The following CUX2 variants were observed in gnomAD, a reference collection of about 807,000 sequenced individuals.
CUX2 encodes the protein homeobox protein cut-like 2.
In CUX2, 40 loss-of-function variants were observed where a neutral mutation model predicts 144.8. The ratio of observed to expected loss-of-function variants is 0.28; its 90% CI spans 0.21 to 0.36. The LOEUF (loss-of-function observed/expected upper bound fraction) is 0.36. Ranked by LOEUF, CUX2 falls within the 10% of genes least tolerant of loss-of-function variation. The pLI is 1.00. For missense variants in CUX2, 1,615 were observed against 1,994.0 expected (o/e 0.81, Z 3.62); for synonymous variants, 827 against 875.6 (o/e 0.94, Z 0.98).
chr12:111,134,620 C>CTCTCTGTGTGTGTGTGTGTGTG (rs1026548098), intron 1 of CUX2, among the ~76,000 whole-genome samples: 84 of 142,198 alleles, frequency 5.9e-4, no homozygotes, highest in African/African-American at 2.2e-3. Context: ...CTCTCTCTCT[C>CTCTCTGTGTGTGTGTGTGTGTG]TGTGTGTGTG....
chr12:111,040,130 T>TA (rs1002583648), intron 1 of CUX2, among the ~76,000 whole-genome samples: 2 of 151,266 alleles, frequency 1.3e-5, no homozygotes, highest in Non-Finnish European at 2.9e-5. Context: ...CTACAAAAAA[T>TA]AAAAAAATTA....
rs776024963 is a variant in CUX2 at position 111,320,821 on chromosome 12, G to T, written c.2766+46G>T. Reference sequence around the variant, plus strand: ...CGGTGTCTGGGCTCTGGGAGAAGATGTCGGAGAAGTAGGATGCCCACCCAA... The same window carrying T: ...CGGTGTCTGGGCTCTGGGAGAAGATTTCGGAGAAGTAGGATGCCCACCCAA... On this transcript the variant is annotated intron_variant, in intron 17 of 21. Transcript: ENST00000261726. The surrounding 1 kb of genome is among the most constrained non-coding windows in gnomAD (Gnocchi z 8.1). 1.4e-6 allele frequency: 2 copies of T among 1,427,798 alleles called. No individual in the cohort carries two copies. The highest frequency in any genetic ancestry group is 1.8e-6 in the Non-Finnish European group (2 of 1,094,780). The allele number at this position is 1,427,798 out of a possible 1,614,324, so 88.4% of individuals were successfully genotyped here.
Position 111,320,244 on chromosome 12 carries a change from G to A in CUX2, c.2235G>A (p.Val745=). The A allele has an allele frequency of 2.5e-6, 4 of 1,582,640 alleles. No individual in the cohort carries two copies. The highest frequency in any genetic ancestry group is 3.4e-6 in the Non-Finnish European group (4 of 1,172,200). The change falls in exon 17 of 22, where the codon GTG becomes GTA. Residue 745 remains valine (V), a synonymous_variant. Transcript: ENST00000261726. The surrounding 1 kb of genome is among the most constrained non-coding windows in gnomAD (Gnocchi z 8.1). ...GCCAGAACGGGGCCCCGGCCTTGGT[G>A]AAGCAGGAGGAGGGCAGCGGGGGCC... ...TASQNGAPAL[V]KQEEGSGGPA...
rs886609950 is a variant in CUX2 at position 111,063,695 on chromosome 12, G to A, written c.63+29455G>A. Among the ~76,000 whole-genome samples, 11 of 152,228 alleles carry A rather than the reference G, an allele frequency of 7.2e-5. 1 individual carries two copies. The highest frequency in any genetic ancestry group is 5.9e-4 in the Admixed American group (9 of 15,290). On this transcript the variant is annotated intron_variant, in intron 1 of 21. Coordinates refer to ENST00000261726, the MANE Select transcript of CUX2 (RefSeq NM_015267.4). Reference sequence around the variant, plus strand: ...AAATTCCCAGAGGAAGGGAGGTAGCGAGTCCGGGGGATTTGGCGGCCGCCC... The same window carrying A: ...AAATTCCCAGAGGAAGGGAGGTAGCAAGTCCGGGGGATTTGGCGGCCGCCC...
chr12:111,180,077 G>GC (rs1291815290), intron 1 of CUX2, among the ~76,000 whole-genome samples: 1 of 152,024 alleles, frequency 6.6e-6, no homozygotes, highest in Non-Finnish European at 1.5e-5. Context: ...CAGAATTCCA[G>GC]CCCCCATGGG....
intron 1 of CUX2, among the ~76,000 whole-genome samples, chr12:111,084,734 T>C (rs2136046631): frequency 6.6e-6 from 1 of 152,310 alleles, no homozygotes. Flanking sequence ...CAAAATGGTA[T>C]GAGAGTGGCT....
At chr12:111,193,385 G>T (rs900270574) in intron 1 of CUX2, among the ~76,000 whole-genome samples, 8 of 152,178 alleles carry the variant, frequency 5.3e-5, no homozygotes, top group African/African-American at 1.9e-4. Flanking sequence ...CTTTAAACAC[G>T]CTGGTAATGG....
intron 1 of CUX2, among the ~76,000 whole-genome samples, chr12:111,085,744 A>G (rs1872172391): frequency 6.6e-6 from 1 of 152,048 alleles, no homozygotes; most frequent in South Asian, 2.1e-4. Context: ...CCTTCCCAGC[A>G]TTTGTTTCCA....
intron 4 of CUX2, among the ~76,000 whole-genome samples, chr12:111,284,799 G>A (rs1356923574): frequency 2.6e-5 from 4 of 152,168 alleles, no homozygotes; most frequent in Non-Finnish European, 5.9e-5. Flanking sequence ...GCTCGGAAGG[G>A]CCTCTGGTCT....
chr12:111,303,315 A>C (rs1196330173), intron 9 of CUX2, among the ~76,000 whole-genome samples: 1 of 151,126 alleles, frequency 6.6e-6, no homozygotes, highest in Non-Finnish European at 1.5e-5. Context: ...TCTTTGTGTT[A>C]GATGTTTTCA....
At position 111,077,489 on chromosome 12, in the gene CUX2, C is replaced by T. The variant is rs1258577428; in HGVS notation, c.63+43249C>T. On this transcript the variant is annotated intron_variant, in intron 1 of 21. Transcript: ENST00000261726. This position sits in a 1 kb window ranked among gnomAD's most constrained non-coding sequence, Gnocchi z 4.1. Reference sequence around the variant, plus strand: ...CGGTCTTGGACCACTGAATAATTTACGGTCCCTCGGAGCGGCGAGGAGCAG... The same window carrying T: ...CGGTCTTGGACCACTGAATAATTTATGGTCCCTCGGAGCGGCGAGGAGCAG... Among the ~76,000 whole-genome samples, 1 of 152,202 alleles carries T rather than the reference C, an allele frequency of 6.6e-6. No individual in the cohort carries two copies. Among genetic ancestry groups the T allele is most frequent in the Non-Finnish European group, 1.5e-5 (1 of 68,050 alleles).
intron 3 of CUX2, among the ~76,000 whole-genome samples, chr12:111,224,451 C>A (rs1015883857): frequency 2.0e-5 from 3 of 151,914 alleles, no homozygotes; most frequent in South Asian, 2.1e-4. Context: ...CCTGTGCCCC[C>A]CTTCTGCTCC....
At chr12:111,047,827 G>A (rs1870072293) in intron 1 of CUX2, among the ~76,000 whole-genome samples, 1 of 152,266 alleles carries the variant, frequency 6.6e-6, no homozygotes, top group African/African-American at 2.4e-5. Context: ...GGAGGAAAGA[G>A]CGCTGAAATC....
chr12:111,042,195 C>T (rs988317501), intron 1 of CUX2, among the ~76,000 whole-genome samples: 10 of 152,330 alleles, frequency 6.6e-5, no homozygotes, highest in African/African-American at 1.4e-4. Flanking sequence ...TCAAGCTGGA[C>T]GGGGTAAATG....
chr12:111,170,737 C>T (rs571917811), intron 1 of CUX2, among the ~76,000 whole-genome samples: 1 of 152,074 alleles, frequency 6.6e-6, no homozygotes, highest in South Asian at 2.1e-4. Context: ...CAGTCTTCCC[C>T]ATTCTCCGAC....
intron 1 of CUX2, among the ~76,000 whole-genome samples, chr12:111,183,790 C>CT (rs1879342887): frequency 6.6e-6 from 1 of 152,074 alleles, no homozygotes; most frequent in Non-Finnish European, 1.5e-5. Flanking sequence ...AATTATTGGC[C>CT]TAGGGCATTT....
chr12:111,226,039 G>A (rs143980435), intron 3 of CUX2, among the ~76,000 whole-genome samples: 1 of 152,328 alleles, frequency 6.6e-6, no homozygotes, highest in Non-Finnish European at 1.5e-5. Flanking sequence ...CGCCTCCCGG[G>A]TTCAAGCAAT....
rs1364520974 is a variant in CUX2 at position 111,034,553 on chromosome 12, C to T, written c.63+313C>T. Among the ~76,000 whole-genome samples, 2 of 151,474 alleles carry T rather than the reference C, an allele frequency of 1.3e-5. No individual in the cohort carries two copies. Among genetic ancestry groups the T allele is most frequent in the Non-Finnish European group, 2.9e-5 (2 of 67,798 alleles). ...GCGGGGAAGGCAGGGGCTACGGCCT[C>T]GGGCAGGGGGCTGCTGGCGGGAACC... On this transcript the variant is annotated intron_variant, in intron 1 of 21. Coordinates refer to ENST00000261726, the MANE Select transcript of CUX2 (RefSeq NM_015267.4). The surrounding 1 kb of genome is among the most constrained non-coding windows in gnomAD (Gnocchi z 4.2).
chr12:111,075,109 C>T (rs1224292876), intron 1 of CUX2, among the ~76,000 whole-genome samples: 2 of 151,560 alleles, frequency 1.3e-5, no homozygotes, highest in African/African-American at 2.4e-5. Flanking sequence ...ACCACCCAGC[C>T]GCACCCTGAG....
Sources: allele counts gnomAD v4.1 joint callset (sites outside exome capture counted in the v4.1 genomes callset), GRCh38; gene constraint gnomAD v4.1.1; non-coding constraint Gnocchi (gnomAD v3.1); transcripts MANE v1.5; gene names NCBI Gene and HGNC (gene_info 2026-07-23, HGNC 2026-07-21).